ANKRD34C: variants seen among roughly 807,000 people sequenced by gnomAD.
The protein encoded by ANKRD34C is ankyrin repeat domain-containing protein 34C.
For synonymous variants in ANKRD34C, 260 were observed against 253.6 expected (o/e 1.03, Z -0.24); for missense variants, 563 against 653.0 (o/e 0.86, Z 1.50).
rs1397096724 is a variant in ANKRD34C, at chr15:79,295,684, T to A, written c.*792T>A. On this transcript the variant is annotated 3_prime_UTR_variant, in exon 2 of 2. Transcript: ENST00000421388. ...CAGTCAAGGTTAACTAACTTGGAGTTGAATGTGATACAATTATAGATTAAA... is the reference window on the plus strand; with the variant it reads ...CAGTCAAGGTTAACTAACTTGGAGTAGAATGTGATACAATTATAGATTAAA... 1 of 167,090 alleles carries A rather than the reference T, an allele frequency of 6.0e-6. No individual in the cohort carries two copies. The highest frequency in any genetic ancestry group is 2.4e-5 in the African/African-American group (1 of 41,470). 10.4% of individuals were successfully genotyped at this position (167,090 alleles called of 1,614,324 possible).
rs1452014699 is a variant in ANKRD34C, at chr15:79,282,916, C to T, written c.-357C>T. 6.6e-6 allele frequency among the ~76,000 whole-genome samples: 1 copy of T among 152,228 alleles called. No individual in the cohort carries two copies. The highest frequency in any genetic ancestry group is 2.4e-5 in the African/African-American group (1 of 41,458). ...TTCTTTCTTTTTCTTAAAACCAAACCAAACCAAACCAAACCCAAAACTCCC... is the reference window on the plus strand; with the variant it reads ...TTCTTTCTTTTTCTTAAAACCAAACTAAACCAAACCAAACCCAAAACTCCC... On this transcript the variant is annotated 5_prime_UTR_variant, in exon 1 of 2. Coordinates refer to ENST00000421388, the MANE Select transcript of ANKRD34C (RefSeq NM_001146341.2).
chr15:79,297,822 T>A lies in ANKRD34C; in HGVS notation c.*2930T>A, dbSNP rs1357916615. ...CAGAGGTTAACTTGTCTTTTTGAAA[T>A]CCTGGAGTCACTTATAAGTTAGCTG... On this transcript the variant is annotated 3_prime_UTR_variant, in exon 2 of 2. Coordinates refer to ENST00000421388, the MANE Select transcript of ANKRD34C (RefSeq NM_001146341.2). The A allele has an allele frequency of 1.2e-5, 2 of 166,424 alleles. No individual in the cohort carries two copies. The highest frequency in any genetic ancestry group is 3.8e-4 in the East Asian group (2 of 5,206). 10.3% of individuals were successfully genotyped at this position (166,424 alleles called of 1,614,324 possible). A position where few individuals can be genotyped will look rare whatever the true frequency, so the allele number is the denominator to read the frequency against.
rs1326295461 is a variant in ANKRD34C, at chr15:79,283,098, G to A, written c.-175G>A. Among the ~76,000 whole-genome samples the A allele has an allele frequency of 6.6e-6, 1 of 152,234 alleles. No homozygotes were observed. The highest frequency in any genetic ancestry group is 1.5e-5 in the Non-Finnish European group (1 of 68,050). On this transcript the variant is annotated 5_prime_UTR_variant, in exon 1 of 2. The change creates a new upstream start codon in the 5' untranslated region. Transcript: ENST00000421388. ...CTCCCGGCGCTGGTTCAGTCTGGCA[G>A]TGCCCTCTGGCAGCCAACCCGCAGC... is the stretch of plus-strand genomic sequence containing the variant.
Position 79,294,182 on chromosome 15 carries a change from A to G in ANKRD34C, c.898A>G (p.Asn300Asp), listed in dbSNP as rs1245063189. 3 of 1,551,600 alleles carry G rather than the reference A, an allele frequency of 1.9e-6. No homozygotes were observed. The highest frequency in any genetic ancestry group is 2.6e-6 in the Non-Finnish European group (3 of 1,146,976). The change falls in exon 2 of 2, where the codon AAC becomes GAC. Residue 300 changes from asparagine to aspartate, a missense_variant. Asn to Asp is a conservative substitution (Grantham distance 23). Transcript: ENST00000421388. ...TAAAAGGGGGCCCCTCTCCAGAACC[A>G]ACAGTATCGATAGCAAAGACCCCAC... ...FPKRGPLSRT[N>D]SIDSKDPTLF...
chr15:79,286,783 G>A (rs958555047), intron 1 of ANKRD34C, among the ~76,000 whole-genome samples: 1 of 152,030 alleles, frequency 6.6e-6, no homozygotes, highest in Non-Finnish European at 1.5e-5. Flanking sequence ...TTCTTTACTG[G>A]TTCCCTATGT....
chr15:79,289,909 A>ATG (rs145981924), intron 1 of ANKRD34C, among the ~76,000 whole-genome samples: 4 of 152,054 alleles, frequency 2.6e-5, no homozygotes, highest in Admixed American at 2.0e-4. Flanking sequence ...GTGTTTTTGT[A>ATG]TGTGTGTGTG....
Position 79,297,862 on chromosome 15 carries a change from G to A in ANKRD34C, c.*2970G>A, listed in dbSNP as rs1000373787. On this transcript the variant is annotated 3_prime_UTR_variant, in exon 2 of 2. Transcript: ENST00000421388. The stretch of plus-strand genomic sequence containing the variant: ...TAAGTTAGCTGCAAACTGTAGTTTC[G>A]GTAATTCAACTGCTTAAGCATTTCT... 5 of 166,258 alleles carry A rather than the reference G, an allele frequency of 3.0e-5. No homozygotes were observed. Among genetic ancestry groups the A allele is most frequent in the South Asian group, 2.1e-4 (1 of 4,828 alleles). The allele number at this position is 166,258 out of a possible 1,614,324, so 10.3% of individuals were successfully genotyped here.
At position 79,293,509 on chromosome 15, in the gene ANKRD34C, G is replaced by C; in HGVS notation, c.225G>C (p.Arg75Ser). 1 of 1,551,536 alleles carries C rather than the reference G, an allele frequency of 6.4e-7. No homozygotes were observed. Among genetic ancestry groups the C allele is most frequent in the Non-Finnish European group, 8.7e-7 (1 of 1,146,930 alleles). The change falls in exon 2 of 2, where the codon AGG becomes AGC. Residue 75 changes from arginine (R) to serine (S), a missense_variant. Physicochemically the swap from Arg to Ser is moderately radical, Grantham distance 110. Transcript: ENST00000421388. The part of the protein sequence containing the change: ...SKMVKYLLDN[R>S]ADPNIQDKSG... The stretch of plus-strand genomic sequence containing the variant: ...TGGTGAAGTACCTGCTGGACAACAG[G>C]GCAGACCCCAATATCCAAGATAAGT...
At chr15:79,286,970 A>T (rs774348582) in intron 1 of ANKRD34C, among the ~76,000 whole-genome samples, 3 of 151,924 alleles carry the variant, frequency 2.0e-5, no homozygotes, top group Admixed American at 1.3e-4. Flanking sequence ...ACTTGTACTT[A>T]CTCCTAAGTG....
Position 79,293,367 on chromosome 15 carries a change from G to A in ANKRD34C, c.83G>A (p.Arg28Lys). The change falls in exon 2 of 2, where the codon AGG becomes AAG. Residue 28 changes from arginine to lysine, a missense_variant. Physicochemically the swap from Arg to Lys is conservative, Grantham distance 26. Transcript: ENST00000421388. ...AVWLGRLRLT[R>K]LLLEGGAYIN... ...TGGCTGGGGAGGCTCAGGTTGACCAGGCTGCTCTTGGAAGGGGGAGCTTAT... is the reference window on the plus strand; with the variant it reads ...TGGCTGGGGAGGCTCAGGTTGACCAAGCTGCTCTTGGAAGGGGGAGCTTAT... 1 of 1,551,616 alleles carries A rather than the reference G, an allele frequency of 6.4e-7. No individual in the cohort carries two copies.
chr15:79,296,576 T>C lies in ANKRD34C; in HGVS notation c.*1684T>C, dbSNP rs932338607. 1.2e-5 allele frequency: 2 copies of C among 167,112 alleles called. No homozygotes were observed. Among genetic ancestry groups the C allele is most frequent in the African/African-American group, 2.4e-5 (1 of 41,470 alleles). 10.4% of individuals were successfully genotyped at this position (167,112 alleles called of 1,614,324 possible). On this transcript the variant is annotated 3_prime_UTR_variant, in exon 2 of 2. Transcript: ENST00000421388. ...GTGTAAAGTAAAAAATTCTGCCATA[T>C]AAACTCTACATATTATATAATTTTT...
intron 1 of ANKRD34C, among the ~76,000 whole-genome samples, chr15:79,288,154 A>G (rs1435521722): frequency 6.6e-6 from 1 of 152,172 alleles, no homozygotes; most frequent in African/African-American, 2.4e-5. Flanking sequence ...AACCTTCCTG[A>G]AAGGGCATTT....
intron 1 of ANKRD34C, among the ~76,000 whole-genome samples, chr15:79,285,024 A>C (rs1269063471): frequency 6.6e-6 from 1 of 152,230 alleles, no homozygotes; most frequent in Non-Finnish European, 1.5e-5. Context: ...ATGTTTATTG[A>C]TTATATTCTA....
In ANKRD34C at chr15:79,294,951, C is replaced by A. The variant is rs542610009; in HGVS notation, c.*59C>A. 23 of 1,438,152 alleles carry A rather than the reference C, an allele frequency of 1.6e-5. No individual in the cohort carries two copies. The highest frequency in any genetic ancestry group is 2.1e-5 in the Non-Finnish European group (23 of 1,086,380). 89.1% of individuals were successfully genotyped at this position (1,438,152 alleles called of 1,614,324 possible). On this transcript the variant is annotated 3_prime_UTR_variant, in exon 2 of 2. Transcript: ENST00000421388. ...TTTATGGAAGGGACTATGGATGAGA[C>A]TGCTTCCTGATCATTCCTTAATGTT...
Position 79,294,527 on chromosome 15 carries a change from C to A in ANKRD34C, c.1243C>A (p.Leu415Ile). The change falls in exon 2 of 2, where the codon CTT (leucine) becomes ATT (isoleucine). Residue 415 changes from leucine (L) to isoleucine (I), a missense_variant. Transcript: ENST00000421388. The part of the protein sequence containing the change: ...RKKLNSSHLS[L>I]FHGSRESLDT... Reference sequence around the variant, plus strand: ...GAAGCTCAACAGCTCTCACTTGTCTCTTTTCCATGGCTCTCGGGAGTCCCT... The same window carrying A: ...GAAGCTCAACAGCTCTCACTTGTCTATTTTCCATGGCTCTCGGGAGTCCCT... The A allele has an allele frequency of 1.3e-6, 2 of 1,551,754 alleles. No homozygotes were observed. The highest frequency in any genetic ancestry group is 1.7e-6 in the Non-Finnish European group (2 of 1,146,998).
intron 1 of ANKRD34C, among the ~76,000 whole-genome samples, chr15:79,291,809 T>C (rs1461558690): frequency 6.6e-6 from 1 of 152,058 alleles, no homozygotes; most frequent in Admixed American, 6.6e-5. Context: ...AACAATGCAT[T>C]TGAGGAAGCA....
intron 1 of ANKRD34C, among the ~76,000 whole-genome samples, chr15:79,285,222 G>A (rs1444244199): frequency 2.0e-5 from 3 of 152,166 alleles, no homozygotes; most frequent in Non-Finnish European, 4.4e-5. Context: ...ACTAGAAAGT[G>A]TATAACCAAG....
At chr15:79,284,045 C>T (rs2141199097) in intron 1 of ANKRD34C, 1 of 152,336 alleles carries the variant, frequency 6.6e-6, no homozygotes. Flanking sequence ...CCCCGGATTT[C>T]GGAAGGTGTA....
chr15:79,287,787 G>C lies in ANKRD34C; in HGVS notation c.-45+4559G>C, dbSNP rs190502497. Among the ~76,000 whole-genome samples the C allele has an allele frequency of 6.6e-5, 10 of 152,300 alleles. No homozygotes were observed. In the East Asian group the frequency reaches 1.7e-3, roughly 26 times the overall value. ...GCCTCTCATCTCAGCTTCTCAGTGT[G>C]TTTACTTCATTCTTCTTCCTCTGCA... On this transcript the variant is annotated intron_variant, in intron 1 of 1. Transcript: ENST00000421388.
Sources: allele counts gnomAD v4.1 joint callset (sites outside exome capture counted in the v4.1 genomes callset), GRCh38; gene constraint gnomAD v4.1.1; transcripts MANE v1.5; gene names NCBI Gene and HGNC (gene_info 2026-07-23, HGNC 2026-07-21).